TACR3: variants seen among roughly 807,000 people sequenced by gnomAD.
TACR3 encodes neuromedin-K receptor.
In TACR3, 34 loss-of-function variants were observed where a neutral mutation model predicts 35.0. That is an observed-to-expected ratio of 0.97 (90% confidence interval 0.74 to 1.30). The LOEUF is 1.30. Ranked by LOEUF, TACR3 falls within the 50% of genes most tolerant of loss-of-function variation. The pLI is 0.00. For missense variants in TACR3, 558 were observed against 591.7 expected (o/e 0.94, Z 0.59); for synonymous variants, 233 against 221.1 (o/e 1.05, Z -0.48).
intron 3 of TACR3, among the ~76,000 whole-genome samples, chr4:103,617,718 T>A (rs540251695): frequency 6.6e-6 from 1 of 152,290 alleles, no homozygotes; most frequent in Admixed American, 6.5e-5. Context: ...AGATCATAAT[T>A]CATTTGAGTC....
intron 1 of TACR3, among the ~76,000 whole-genome samples, chr4:103,667,084 C>T (rs907851137): frequency 1.3e-5 from 2 of 151,988 alleles, no homozygotes; most frequent in African/African-American, 2.4e-5. Context: ...ATGTTGAAAC[C>T]CCTTCTCTAC....
At chr4:103,630,642 T>TGGG (rs1276696157) in intron 3 of TACR3, among the ~76,000 whole-genome samples, 179 of 152,266 alleles carry the variant, frequency 1.2e-3, no homozygotes, top group African/African-American at 4.2e-3. Flanking sequence ...TACCATCTCA[T>TGGG]GGCAGTTAGA....
Position 103,588,080 on chromosome 4 carries a change from T to G in TACR3, c.*1602A>C, listed in dbSNP as rs891392156. On this transcript the variant is annotated 3_prime_UTR_variant, in exon 5 of 5. Transcript: ENST00000304883. ...GCTTGTTTAGACTCCGAACTTTTTG[T>G]AACAATTGGATATTTCTGGTTTTGG... The G allele has an allele frequency of 6.6e-6, 1 of 151,990 alleles. No individual in the cohort carries two copies. The highest frequency in any genetic ancestry group is 1.5e-5 in the Non-Finnish European group (1 of 67,952). The allele number at this position is 151,990 out of a possible 1,614,324, so 9.4% of individuals were successfully genotyped here.
intron 3 of TACR3, among the ~76,000 whole-genome samples, chr4:103,626,939 T>C (rs952119520): frequency 2.0e-5 from 3 of 151,436 alleles, no homozygotes; most frequent in Admixed American, 2.0e-4. Context: ...CTTTGGGAGA[T>C]TGAGGTGGGC....
chr4:103,641,779 A>T (rs1367144700), intron 3 of TACR3, among the ~76,000 whole-genome samples: 1 of 151,988 alleles, frequency 6.6e-6, no homozygotes, highest in East Asian at 1.9e-4. Flanking sequence ...CACACAATGA[A>T]ATACTAGTCA....
chr4:103,641,124 A>G (rs1725347477), intron 3 of TACR3, among the ~76,000 whole-genome samples: 1 of 151,884 alleles, frequency 6.6e-6, no homozygotes, highest in Non-Finnish European at 1.5e-5. Flanking sequence ...GCATGTGTAT[A>G]CCCAAGGTCC....
intron 3 of TACR3, among the ~76,000 whole-genome samples, chr4:103,608,115 T>G (rs1724425531): frequency 6.6e-6 from 1 of 152,126 alleles, no homozygotes; most frequent in African/African-American, 2.4e-5. Flanking sequence ...ACTCATATGT[T>G]CGTTACCACG....
intron 3 of TACR3, among the ~76,000 whole-genome samples, chr4:103,623,326 A>G (rs928962369): frequency 2.6e-5 from 4 of 152,158 alleles, no homozygotes; most frequent in Non-Finnish European, 5.9e-5. Flanking sequence ...CAGAGAGAAG[A>G]GAATCTGATT....
chr4:103,699,633 A>G (rs1442156512), intron 1 of TACR3, among the ~76,000 whole-genome samples: 1 of 152,206 alleles, frequency 6.6e-6, no homozygotes, highest in Non-Finnish European at 1.5e-5. Context: ...GGCTCGGACT[A>G]AGGTAGCAGC....
At position 103,658,343 on chromosome 4, in the gene TACR3, G is replaced by A. The variant is rs756148819; in HGVS notation, c.609C>T (p.Val203=). ...ATGCTAGAATCCAAATACTTCCAAT[G>A]ACAATCTTGGTTGCTGTAGCAGACA... The part of the protein sequence containing the change: ...PRLSATATKI[V]IGSIWILAFL... Residue 203 remains valine, a synonymous_variant, in exon 2 of 5, where the codon GTC becomes GTT. Transcript: ENST00000304883. 1.2e-6 allele frequency: 2 copies of A among 1,613,860 alleles called. No homozygotes were observed. The highest frequency in any genetic ancestry group is 1.7e-6 in the Non-Finnish European group (2 of 1,179,942).
chr4:103,709,706 A>T (rs1229916729), intron 1 of TACR3, among the ~76,000 whole-genome samples: 2 of 152,188 alleles, frequency 1.3e-5, no homozygotes, highest in African/African-American at 4.8e-5. Context: ...AAAGACACAG[A>T]CTGGCAAACT....
intron 1 of TACR3, among the ~76,000 whole-genome samples, chr4:103,717,529 T>C (rs935238712): frequency 6.6e-6 from 1 of 152,090 alleles, no homozygotes; most frequent in Non-Finnish European, 1.5e-5. Context: ...AATACAACCT[T>C]TTTTTCCCCT....
At chr4:103,630,746 G>T (rs1725038403) in intron 3 of TACR3, among the ~76,000 whole-genome samples, 1 of 152,168 alleles carries the variant, frequency 6.6e-6, no homozygotes, top group Non-Finnish European at 1.5e-5. Flanking sequence ...GTGTAAATTA[G>T]TTCAACCATT....
intron 3 of TACR3, among the ~76,000 whole-genome samples, chr4:103,636,076 G>T (rs946729545): frequency 6.6e-6 from 1 of 151,704 alleles, no homozygotes; most frequent in African/African-American, 2.4e-5. Context: ...ATTTATGTAG[G>T]TTTACTAAAT....
At chr4:103,706,682 G>T (rs1461142032) in intron 1 of TACR3, among the ~76,000 whole-genome samples, 3 of 151,988 alleles carry the variant, frequency 2.0e-5, no homozygotes, top group African/African-American at 7.3e-5. Flanking sequence ...TTAGAGGGTA[G>T]GATAACAATG....
intron 3 of TACR3, among the ~76,000 whole-genome samples, chr4:103,599,521 T>C (rs536794939): frequency 2.4e-3 from 360 of 152,288 alleles, no homozygotes; most frequent in African/African-American, 8.3e-3. Context: ...GAGGGCATCC[T>C]TGTCTTGTGC....
chr4:103,650,519 T>G, intron 3 of TACR3, among the ~76,000 whole-genome samples: 1 of 131,054 alleles, frequency 7.6e-6, no homozygotes, highest in African/African-American at 2.8e-5. Flanking sequence ...TATATATAAA[T>G]ATGTATTATT....
rs1178329837 is a variant in TACR3, at chr4:103,719,505, C to G, written c.171G>C (p.Ala57=). The change falls in exon 1 of 5, where the codon GCG becomes GCC. Residue 57 remains alanine, a synonymous_variant. Coordinates refer to ENST00000304883, the MANE Select transcript of TACR3 (RefSeq NM_001059.3). ...CGGGGGAAGCCACAGGCAGTCCCAGCGCGGAAGGGGAGGAGGAGAGGTTGC... is the reference window on the plus strand; with the variant it reads ...CGGGGGAAGCCACAGGCAGTCCCAGGGCGGAAGGGGAGGAGGAGAGGTTGC... ...QAGNLSSSPS[A]LGLPVASPAP... 6.2e-7 allele frequency: 1 copy of G among 1,610,564 alleles called. No homozygotes were observed. The highest frequency in any genetic ancestry group is 8.5e-7 in the Non-Finnish European group (1 of 1,177,178).
At position 103,625,874 on chromosome 4, in the gene TACR3, C is replaced by T. The variant is rs145235045; in HGVS notation, c.888+30320G>A. 3.1e-3 allele frequency among the ~76,000 whole-genome samples: 465 copies of T among 152,210 alleles called. 2 individuals carry two copies. The highest frequency in any genetic ancestry group is 0.01 in the African/African-American group (429 of 41,526). ...GCAATTCAGGTAAAATGAGATCATACACCTGGTCTGTAATCCAAAAATAAC... is the reference window on the plus strand; with the variant it reads ...GCAATTCAGGTAAAATGAGATCATATACCTGGTCTGTAATCCAAAAATAAC... On this transcript the variant is annotated intron_variant, in intron 3 of 4. Transcript: ENST00000304883.
Sources: gnomAD v4.1 joint callset for allele counts (sites outside exome capture counted in the v4.1 genomes callset) on GRCh38, gnomAD v4.1.1 for gene constraint, MANE v1.5 for transcripts, NCBI Gene and HGNC (gene_info 2026-07-23, HGNC 2026-07-21) for gene names.